CSMD3: variants seen among roughly 807,000 people sequenced by gnomAD.
CSMD3 encodes CUB and sushi domain-containing protein 3.
In CSMD3, 177 loss-of-function variants were observed where a neutral mutation model predicts 435.2. That is an observed-to-expected ratio of 0.41 (90% CI 0.36 to 0.46). The LOEUF (loss-of-function observed/expected upper bound fraction) is 0.46, where lower values mean the gene tolerates loss of function less well. CSMD3 is among the 20% of genes least tolerant of loss of function. The pLI is 0.34. For synonymous variants in CSMD3, 1,656 were observed against 1,520.5 expected (o/e 1.09, Z -2.07); for missense variants, 4,265 against 4,504.6 (o/e 0.95, Z 1.52).
intron 9 of CSMD3, among the ~76,000 whole-genome samples, chr8:112,925,872 G>C (rs1216619981): frequency 6.6e-6 from 1 of 152,172 alleles, no homozygotes; most frequent in South Asian, 2.1e-4. Flanking sequence ...CAGGAGGAGA[G>C]GGAATGGGAT....
At chr8:113,156,129 T>C (rs186523087) in intron 4 of CSMD3, among the ~76,000 whole-genome samples, 4 of 152,028 alleles carry the variant, frequency 2.6e-5, no homozygotes, top group Non-Finnish European at 1.5e-5. Context: ...TGGCTTAGAA[T>C]AGAAAGGTAA....
chr8:113,410,466 C>A (rs2094553049), intron 1 of CSMD3, among the ~76,000 whole-genome samples: 1 of 152,058 alleles, frequency 6.6e-6, no homozygotes, highest in Non-Finnish European at 1.5e-5. Flanking sequence ...TGTACATCTT[C>A]CCCTCCTGCT....
At chr8:113,370,843 G>C (rs941323079) in intron 1 of CSMD3, among the ~76,000 whole-genome samples, 2 of 151,942 alleles carry the variant, frequency 1.3e-5, no homozygotes, top group African/African-American at 2.4e-5. Flanking sequence ...AAAAAAATCT[G>C]CAGCTCTGAA....
At chr8:112,412,257 G>A (rs964849013) in intron 32 of CSMD3, among the ~76,000 whole-genome samples, 1 of 152,024 alleles carries the variant, frequency 6.6e-6, no homozygotes, top group African/African-American at 2.4e-5. Context: ...ACACTGACCT[G>A]ATGCTGGTGC....
At chr8:112,577,194 C>A (rs10110477) in intron 23 of CSMD3, among the ~76,000 whole-genome samples, 60,835 of 151,806 alleles carry the variant, frequency 0.4, 13,191 homozygotes, top group East Asian at 0.58. Flanking sequence ...TAGTAATGAT[C>A]AAGTCAATGC....
At chr8:113,200,826 A>G (rs2092709044) in intron 3 of CSMD3, among the ~76,000 whole-genome samples, 1 of 151,706 alleles carries the variant, frequency 6.6e-6, no homozygotes, top group Non-Finnish European at 1.5e-5. Flanking sequence ...ACTGAACAGG[A>G]TATTTGCTTC....
intron 3 of CSMD3, among the ~76,000 whole-genome samples, chr8:113,264,659 T>C (rs867864827): frequency 1.3e-5 from 2 of 151,676 alleles, no homozygotes; most frequent in Admixed American, 6.6e-5. Flanking sequence ...AGAAAATAAA[T>C]ATTTTTAAAC....
At chr8:112,548,282 T>C (rs563958459) in intron 27 of CSMD3, among the ~76,000 whole-genome samples, 85 of 152,248 alleles carry the variant, frequency 5.6e-4, no homozygotes, top group African/African-American at 1.9e-3. Flanking sequence ...CTTTTTTAGA[T>C]TGGGACCTTT....
At chr8:113,417,558 G>A (rs6469457) in intron 1 of CSMD3, among the ~76,000 whole-genome samples, 116,096 of 151,876 alleles carry the variant, frequency 0.76, 44,762 homozygotes, top group East Asian at 0.94. Flanking sequence ...CTGTGAGTTT[G>A]TGAAGATAGG....
intron 23 of CSMD3, among the ~76,000 whole-genome samples, chr8:112,575,457 C>G (rs1332515344): frequency 6.6e-6 from 1 of 152,032 alleles, no homozygotes; most frequent in East Asian, 1.9e-4. Flanking sequence ...TACTTGGTCT[C>G]TCTCTTTTTA....
intron 1 of CSMD3, among the ~76,000 whole-genome samples, chr8:113,370,954 G>A (rs555153111): frequency 3.9e-5 from 6 of 152,160 alleles, no homozygotes; most frequent in African/African-American, 1.4e-4. Flanking sequence ...ATCTGTGGGA[G>A]GAGAAGAGTA....
chr8:112,775,585 C>A (rs1321447294), intron 13 of CSMD3, among the ~76,000 whole-genome samples: 1 of 151,782 alleles, frequency 6.6e-6, no homozygotes, highest in Non-Finnish European at 1.5e-5. Flanking sequence ...TTTACACAGA[C>A]TTTCTAGTTA....
At chr8:113,295,227 T>C (rs1363657840) in intron 2 of CSMD3, among the ~76,000 whole-genome samples, 2 of 152,158 alleles carry the variant, frequency 1.3e-5, no homozygotes, top group African/African-American at 4.8e-5. Context: ...CAATAAATTA[T>C]TGTTGACTGT....
intron 11 of CSMD3, among the ~76,000 whole-genome samples, chr8:112,852,766 C>CA (rs2080529787): frequency 1.3e-5 from 2 of 151,784 alleles, no homozygotes; most frequent in Admixed American, 6.6e-5. Flanking sequence ...ACTAAAAATA[C>CA]AAAAAATTAG....
chr8:113,270,758 A>G (rs1298862796), intron 3 of CSMD3, among the ~76,000 whole-genome samples: 2 of 149,208 alleles, frequency 1.3e-5, no homozygotes, highest in Non-Finnish European at 3.0e-5. Context: ...TCTCACTAAT[A>G]GGTGGGAATT....
At chr8:112,495,090 T>A (rs2130871801) in intron 30 of CSMD3, among the ~76,000 whole-genome samples, 1 of 152,314 alleles carries the variant, frequency 6.6e-6, no homozygotes, top group East Asian at 1.9e-4. Flanking sequence ...CTACTTAATT[T>A]GGTCACTAAG....
chr8:112,417,163 A>G (rs1172204411), intron 32 of CSMD3, among the ~76,000 whole-genome samples: 1 of 152,184 alleles, frequency 6.6e-6, no homozygotes, highest in Non-Finnish European at 1.5e-5. Context: ...TAGGAAGATT[A>G]ATGTTTTCAA....
chr8:113,124,095 T>C (rs1054257422), intron 4 of CSMD3, among the ~76,000 whole-genome samples: 2 of 151,964 alleles, frequency 1.3e-5, no homozygotes, highest in African/African-American at 4.8e-5. Flanking sequence ...TACGTGGTGG[T>C]TCATTCTTTC....
intron 5 of CSMD3, among the ~76,000 whole-genome samples, chr8:113,075,219 A>G (rs1254471707): frequency 2.0e-5 from 3 of 151,834 alleles, no homozygotes; most frequent in Non-Finnish European, 3.0e-5. Context: ...TTTAATAATC[A>G]TATAGAACAA....
Sources: gnomAD v4.1 joint callset for allele counts (sites outside exome capture counted in the v4.1 genomes callset) on GRCh38, gnomAD v4.1.1 for gene constraint, MANE v1.5 for transcripts, NCBI Gene and HGNC (gene_info 2026-07-23, HGNC 2026-07-21) for gene names.